The following NRXN3 variants were observed in gnomAD, a reference collection of about 807,000 sequenced individuals.
NRXN3 encodes neurexin III.
Under a neutral mutation model 137.6 loss-of-function variants are expected in NRXN3, and 32 were observed. That is an observed-to-expected ratio of 0.23 (90% CI 0.18 to 0.31). NRXN3 has a LOEUF of 0.31. NRXN3 is among the 10% of genes least tolerant of loss of function. The pLI, the probability that NRXN3 is intolerant of heterozygous loss-of-function variation, is 1.00. For missense variants in NRXN3, 1,574 were observed against 2,062.5 expected (o/e 0.76, Z 4.59); for synonymous variants, 798 against 784.5 (o/e 1.02, Z -0.29).
At position 78,758,642 on chromosome 14, in the gene NRXN3, T is replaced by C. The variant is rs563714594; in HGVS notation, c.2044+43503T>C. ...GCATTCCACCTTCAGGGCAGCTCCA[T>C]CCGTTTTTCTTTCTTATGGTGCCTC... On this transcript the variant is annotated intron_variant, in intron 8 of 20. Transcript: ENST00000335750. Among the ~76,000 whole-genome samples the C allele has an allele frequency of 1.8e-4, 27 of 152,346 alleles. No homozygotes were observed. The South Asian group carries it at 5.6e-3, about 32-fold the overall frequency.
At chr14:78,206,945 C>T (rs931397181) in intron 1 of NRXN3, among the ~76,000 whole-genome samples, 1 of 151,942 alleles carries the variant, frequency 6.6e-6, no homozygotes, top group African/African-American at 2.4e-5. Flanking sequence ...CTCACTGCAA[C>T]TTCTGCCTCC....
At chr14:79,824,182 T>G (rs2141100671) in intron 20 of NRXN3, among the ~76,000 whole-genome samples, 1 of 152,332 alleles carries the variant, frequency 6.6e-6, no homozygotes, top group Non-Finnish European at 1.5e-5. Flanking sequence ...AAACTTTACA[T>G]TCATGTCTCT....
intron 6 of NRXN3, among the ~76,000 whole-genome samples, chr14:78,672,575 G>A (rs2097948356): frequency 6.6e-6 from 1 of 152,154 alleles, no homozygotes; most frequent in South Asian, 2.1e-4. Context: ...GCCACCTATA[G>A]AGGACTAGGA....
chr14:79,669,546 C>T (rs758453527), intron 17 of NRXN3, among the ~76,000 whole-genome samples: 3 of 152,034 alleles, frequency 2.0e-5, no homozygotes, highest in Non-Finnish European at 2.9e-5. Flanking sequence ...AGTTTGTCTT[C>T]GGTTAACAAA....
chr14:78,614,781 A>T (rs988412544), intron 4 of NRXN3, among the ~76,000 whole-genome samples: 1 of 152,230 alleles, frequency 6.6e-6, no homozygotes, highest in Admixed American at 6.5e-5. Flanking sequence ...TTCTGGGTCA[A>T]TTGTGCCCAA....
intron 1 of NRXN3, among the ~76,000 whole-genome samples, chr14:78,236,738 C>CCG (rs1555420000): frequency 6.8e-6 from 1 of 146,586 alleles, no homozygotes; most frequent in Non-Finnish European, 1.5e-5. Flanking sequence ...TTCCCCCCCC[C>CCG]CTTTTTTTTG....
chr14:78,346,586 A>G (rs965538733), intron 4 of NRXN3, among the ~76,000 whole-genome samples: 1 of 152,162 alleles, frequency 6.6e-6, no homozygotes, highest in African/African-American at 2.4e-5. Context: ...AGAGAACACA[A>G]TACAACTGGG....
chr14:79,192,444 A>G (rs1406816110), intron 15 of NRXN3, among the ~76,000 whole-genome samples: 1 of 152,136 alleles, frequency 6.6e-6, no homozygotes, highest in Admixed American at 6.6e-5. Context: ...ATGTAATAAA[A>G]TGGACCCCAC....
chr14:78,515,479 C>G (rs1290993031), intron 4 of NRXN3, among the ~76,000 whole-genome samples: 3 of 152,136 alleles, frequency 2.0e-5, no homozygotes, highest in Non-Finnish European at 4.4e-5. Context: ...TTCCCAGATA[C>G]TCCCTCCTGC....
chr14:79,434,644 C>G (rs2095815238), intron 15 of NRXN3, among the ~76,000 whole-genome samples: 2 of 152,174 alleles, frequency 1.3e-5, no homozygotes, highest in East Asian at 1.9e-4. Flanking sequence ...TCACTGCTGC[C>G]TTCTGTCAAG....
intron 10 of NRXN3, among the ~76,000 whole-genome samples, chr14:78,886,116 T>C (rs1208462271): frequency 6.6e-6 from 1 of 152,104 alleles, no homozygotes; most frequent in African/African-American, 2.4e-5. Flanking sequence ...AGCTGGGAAA[T>C]GTAGTCTGGC....
At chr14:78,492,375 T>G (rs1376933536) in intron 4 of NRXN3, among the ~76,000 whole-genome samples, 1 of 152,220 alleles carries the variant, frequency 6.6e-6, no homozygotes, top group Non-Finnish European at 1.5e-5. Context: ...AAAAAGACAT[T>G]CTAACATTCT....
At chr14:78,625,414 T>G (rs1203761685) in intron 4 of NRXN3, among the ~76,000 whole-genome samples, 2 of 152,240 alleles carry the variant, frequency 1.3e-5, no homozygotes. Flanking sequence ...GTTGTGATTT[T>G]GGGTTTTGTT....
At chr14:78,261,956 AT>A (rs199776166) in intron 2 of NRXN3, among the ~76,000 whole-genome samples, 2 of 152,214 alleles carry the variant, frequency 1.3e-5, no homozygotes, top group Non-Finnish European at 2.9e-5. Context: ...AAATGAGTGG[AT>A]TTTTTTTATG....
At chr14:79,227,521 G>A (rs1046248721) in intron 15 of NRXN3, among the ~76,000 whole-genome samples, 1 of 152,074 alleles carries the variant, frequency 6.6e-6, no homozygotes, top group East Asian at 1.9e-4. Flanking sequence ...TAAAGAAAAT[G>A]TCACCAAACG....
chr14:79,491,561 G>A (rs1390104115), intron 16 of NRXN3, among the ~76,000 whole-genome samples: 8 of 151,594 alleles, frequency 5.3e-5, no homozygotes, highest in Admixed American at 4.6e-4. Context: ...TTCCAAAGAG[G>A]CACTAATGTA....
intron 10 of NRXN3, among the ~76,000 whole-genome samples, chr14:78,826,026 G>A (rs1038917790): frequency 6.6e-6 from 1 of 152,176 alleles, no homozygotes; most frequent in Non-Finnish European, 1.5e-5. Context: ...GAAGAAACAA[G>A]AACAATAATA....
intron 8 of NRXN3, among the ~76,000 whole-genome samples, chr14:78,780,024 C>G (rs2098763201): frequency 6.6e-6 from 1 of 152,038 alleles, no homozygotes; most frequent in East Asian, 1.9e-4. Flanking sequence ...TGGGGAAAAA[C>G]CCAAGAGAAA....
intron 15 of NRXN3, among the ~76,000 whole-genome samples, chr14:79,102,678 G>T (rs1447975516): frequency 6.6e-6 from 1 of 152,084 alleles, no homozygotes; most frequent in African/African-American, 2.4e-5. Context: ...CAAAAGGAGT[G>T]GTGGTGTCAT....
Sources: allele counts gnomAD v4.1 joint callset (sites outside exome capture counted in the v4.1 genomes callset), GRCh38; gene constraint gnomAD v4.1.1; transcripts MANE v1.5; gene names NCBI Gene and HGNC (gene_info 2026-07-23, HGNC 2026-07-21).